DLGAP2: variants seen among roughly 807,000 people sequenced by gnomAD.
DLGAP2 encodes the protein DLG associated protein 2.
A neutral mutation model predicts 100.3 loss-of-function variants in DLGAP2; 26 were observed. That is an observed-to-expected ratio of 0.26 (90% CI 0.19 to 0.36). DLGAP2 has a LOEUF of 0.36. Ranked by LOEUF, DLGAP2 falls within the 10% of genes least tolerant of loss-of-function variation. DLGAP2 has a pLI of 1.00. For synonymous variants in DLGAP2, 886 were observed against 630.1 expected (o/e 1.41, Z -6.08); for missense variants, 1,858 against 1,453.2 (o/e 1.28, Z -4.53).
At chr8:1,561,479 C>T (rs998381168) in intron 5 of DLGAP2, among the ~76,000 whole-genome samples, 2 of 152,160 alleles carry the variant, frequency 1.3e-5, no homozygotes, top group African/African-American at 2.4e-5. Flanking sequence ...GCCTTTGGGC[C>T]TCTTGGAATC....
chr8:1,000,072 C>G (rs1319556027), intron 2 of DLGAP2, among the ~76,000 whole-genome samples: 8 of 145,308 alleles, frequency 5.5e-5, no homozygotes, highest in Non-Finnish European at 1.2e-4. Flanking sequence ...GCAGAGAGAT[C>G]CGGGTGGAGG....
At chr8:1,193,931 G>A (rs1026725713) in intron 2 of DLGAP2, among the ~76,000 whole-genome samples, 4 of 152,246 alleles carry the variant, frequency 2.6e-5, no homozygotes, top group Admixed American at 6.5e-5. Context: ...GGACGTTTTC[G>A]TTCTCAGTAA....
intron 3 of DLGAP2, chr8:1,369,567 AT>A (rs1802188820): frequency 6.6e-6 from 1 of 152,110 alleles, no homozygotes; most frequent in Non-Finnish European, 1.5e-5. Context: ...TCCAGTGTAA[AT>A]TCTCGATGTG....
chr8:912,848 AC>A (rs1798515893), intron 2 of DLGAP2, among the ~76,000 whole-genome samples: 1 of 141,920 alleles, frequency 7.0e-6, no homozygotes, highest in Non-Finnish European at 1.5e-5. Flanking sequence ...TGTGGAGCTG[AC>A]CCCCGCACCA....
chr8:1,331,093 G>C (rs1267300868), intron 3 of DLGAP2, among the ~76,000 whole-genome samples: 1 of 152,220 alleles, frequency 6.6e-6, no homozygotes, highest in East Asian at 1.9e-4. Context: ...AGCTGGCTTA[G>C]CTGCCTGCTG....
At chr8:1,072,090 C>T (rs1337178506) in intron 2 of DLGAP2, among the ~76,000 whole-genome samples, 1 of 152,176 alleles carries the variant, frequency 6.6e-6, no homozygotes, top group Admixed American at 6.5e-5. Flanking sequence ...GCCATGAAGT[C>T]GTGCTTAGAG....
At chr8:1,344,802 C>T (rs139716846) in intron 3 of DLGAP2, among the ~76,000 whole-genome samples, 10 of 152,274 alleles carry the variant, frequency 6.6e-5, no homozygotes, top group African/African-American at 1.7e-4. Context: ...CAGGACTGGG[C>T]GTGTGTCTGA....
chr8:1,510,873 C>T (rs1300908095), intron 4 of DLGAP2, among the ~76,000 whole-genome samples: 1 of 152,200 alleles, frequency 6.6e-6, no homozygotes, highest in Non-Finnish European at 1.5e-5. Context: ...GTCGGTGTTA[C>T]ATAATTAATA....
chr8:840,360 G>T (rs1179617493), intron 1 of DLGAP2, among the ~76,000 whole-genome samples: 1 of 123,662 alleles, frequency 8.1e-6, no homozygotes, highest in Non-Finnish European at 1.7e-5. Context: ...CGTCTACACG[G>T]TGCACGCCTG....
chr8:1,495,909 C>T (rs1047594974), intron 3 of DLGAP2, among the ~76,000 whole-genome samples: 3 of 152,180 alleles, frequency 2.0e-5, no homozygotes, highest in Non-Finnish European at 4.4e-5. Flanking sequence ...TGCCGGCGCC[C>T]AGCCTGTCCC....
intron 1 of DLGAP2, among the ~76,000 whole-genome samples, chr8:798,476 G>GTGCC (rs1238785542): frequency 6.9e-6 from 1 of 145,856 alleles, no homozygotes; most frequent in East Asian, 2.1e-4. Flanking sequence ...CAGGTGATGG[G>GTGCC]TGCCTGCTTC....
At chr8:1,229,678 A>G (rs1240407563) in intron 2 of DLGAP2, among the ~76,000 whole-genome samples, 4 of 152,354 alleles carry the variant, frequency 2.6e-5, no homozygotes, top group Admixed American at 1.3e-4. Flanking sequence ...ACCACAATCA[A>G]GTAGGCTTCA....
intron 5 of DLGAP2, among the ~76,000 whole-genome samples, chr8:1,564,069 G>A (rs1266717182): frequency 2.0e-5 from 3 of 152,168 alleles, no homozygotes; most frequent in Non-Finnish European, 4.4e-5. Flanking sequence ...ACTACAGACT[G>A]TGGGTGATGA....
intron 2 of DLGAP2, among the ~76,000 whole-genome samples, chr8:1,252,478 C>T (rs1272909223): frequency 6.6e-6 from 1 of 152,224 alleles, no homozygotes; most frequent in Non-Finnish European, 1.5e-5. Flanking sequence ...GTTGCGTTGT[C>T]CTGGGTCACA....
At chr8:1,299,532 C>T (rs1800280434) in intron 3 of DLGAP2, among the ~76,000 whole-genome samples, 1 of 152,188 alleles carries the variant, frequency 6.6e-6, no homozygotes, top group South Asian at 2.1e-4. Context: ...ACGGTCCATG[C>T]CAACTGCAAC....
At chr8:998,696 C>G (rs1039297838) in intron 2 of DLGAP2, among the ~76,000 whole-genome samples, 1 of 152,168 alleles carries the variant, frequency 6.6e-6, no homozygotes, top group African/African-American at 2.4e-5. Flanking sequence ...ACGATTTCTT[C>G]CTAGGTGAGA....
intron 2 of DLGAP2, among the ~76,000 whole-genome samples, chr8:1,224,650 A>G (rs1262625442): frequency 6.6e-6 from 1 of 152,248 alleles, no homozygotes; most frequent in East Asian, 1.9e-4. Flanking sequence ...AAATTACTAA[A>G]ATCCAGAATG....
chr8:1,678,129 G>C, intron 11 of DLGAP2, 85 bp from the exon 12 acceptor site: 1 of 1,482,074 alleles, frequency 6.7e-7, no homozygotes, highest in Non-Finnish European at 9.1e-7. Flanking sequence ...GCTCAGGTGC[G>C]CTCCTGACAG....
intron 1 of DLGAP2, among the ~76,000 whole-genome samples, chr8:843,894 G>A (rs1320814736): frequency 6.6e-6 from 1 of 152,180 alleles, no homozygotes; most frequent in African/African-American, 2.4e-5. Flanking sequence ...ATATGTTTAA[G>A]TCATTGAAGT....
Sources: gnomAD v4.1 joint callset for allele counts (sites outside exome capture counted in the v4.1 genomes callset) on GRCh38, gnomAD v4.1.1 for gene constraint, MANE v1.5 for transcripts, NCBI Gene and HGNC (gene_info 2026-07-23, HGNC 2026-07-21) for gene names.